The following SMARCA2 variants were observed in gnomAD, a reference collection of about 807,000 sequenced individuals.
SMARCA2 encodes the protein SWI/SNF-related matrix-associated actin-dependent regulator of chromatin subfamily A member 2.
SMARCA2 carries 61 observed loss-of-function variants against 199.8 expected under a neutral mutation model. The ratio of observed to expected loss-of-function variants is 0.31; its 90% CI spans 0.25 to 0.38. The LOEUF (loss-of-function observed/expected upper bound fraction) is 0.38. SMARCA2 is among the 10% of genes least tolerant of loss of function. The probability of loss-of-function intolerance (pLI) is 1.00; values close to 1 mark genes in which losing one functional copy is unlikely to be tolerated. For synonymous variants in SMARCA2, 935 were observed against 732.0 expected (o/e 1.28, Z -4.48); for missense variants, 1,344 against 2,012.2 (o/e 0.67, Z 6.35).
In SMARCA2 at chr9:2,147,847, C is replaced by CA. The variant is rs1404987128; in HGVS notation, c.3982-13828dup. On this transcript the variant is annotated intron_variant, in intron 27 of 33. Transcript: ENST00000349721. Reference sequence around the variant, plus strand: ...TGGGTGACAGAGCCAGACTCCGTCTCAAAAAAAAAAAGTAGGGCCTCACCC... The same window carrying CA: ...TGGGTGACAGAGCCAGACTCCGTCTCAAAAAAAAAAAAGTAGGGCCTCACCC... Among the ~76,000 whole-genome samples, 470 of 142,834 alleles carry CA rather than the reference C, an allele frequency of 3.3e-3. 10 individuals are homozygous for CA. The highest frequency in any genetic ancestry group is 3.2e-3 in the Non-Finnish European group (207 of 64,554). The allele number at this position is 142,834 out of a possible 152,430, so 93.7% of individuals were successfully genotyped here.
rs373525354 is a variant in SMARCA2, at chr9:2,186,235, C to T, written c.4594+7C>T. The T allele has an allele frequency of 8.7e-6, 14 of 1,612,112 alleles. No individual in the cohort carries two copies. In the African/African-American group the frequency reaches 1.9e-4, roughly 22 times the overall value. Reference sequence around the variant, plus strand: ...GAAGAGTCAGAGTCCGAGGGTAAGCCCAGACATTCGGGTCCTGTACATCTT... The same window carrying T: ...GAAGAGTCAGAGTCCGAGGGTAAGCTCAGACATTCGGGTCCTGTACATCTT... On this transcript the variant is annotated splice_region_variant and intron_variant, in intron 32 of 33. Coordinates refer to ENST00000349721, the MANE Select transcript of SMARCA2 (RefSeq NM_003070.5).
At position 2,123,367 on chromosome 9, in the gene SMARCA2, A is replaced by G. The variant is rs2130624739; in HGVS notation, c.3763-352A>G. Among the ~76,000 whole-genome samples the G allele has an allele frequency of 6.6e-6, 1 of 152,320 alleles. No homozygotes were observed. On this transcript the variant is annotated intron_variant, in intron 26 of 33. Transcript: ENST00000349721. This position sits in a 1 kb window ranked among gnomAD's most constrained non-coding sequence, Gnocchi z 4.1. Reference sequence around the variant, plus strand: ...TTCTTCCAGGGAAGCAATGAGTTGTATAGCCAAGAGGTCATATTTTTAAAA... The same window carrying G: ...TTCTTCCAGGGAAGCAATGAGTTGTGTAGCCAAGAGGTCATATTTTTAAAA...
At chr9:2,179,840 T>C (rs1218427760) in intron 29 of SMARCA2, among the ~76,000 whole-genome samples, 2 of 152,188 alleles carry the variant, frequency 1.3e-5, no homozygotes, top group Non-Finnish European at 2.9e-5. Context: ...GAGGTCTGAC[T>C]TTTGGGGTGC....
At chr9:2,057,936 C>T (rs1361159008) in intron 7 of SMARCA2, among the ~76,000 whole-genome samples, 1 of 152,160 alleles carries the variant, frequency 6.6e-6, no homozygotes, top group Non-Finnish European at 1.5e-5. Flanking sequence ...TACTCATGTT[C>T]CTCAGGTTTA....
chr9:2,029,433 GTT>G (rs1818967481), intron 2 of SMARCA2, among the ~76,000 whole-genome samples, 186 bp downstream of exon 2: 1 of 152,230 alleles, frequency 6.6e-6, no homozygotes, highest in African/African-American at 2.4e-5. Context: ...TGTTGCATCA[GTT>G]ATGAAGATCA....
chr9:2,070,349 A>C, intron 9 of SMARCA2, 69 bp from the exon 10 acceptor site: 1 of 1,233,246 alleles, frequency 8.1e-7, no homozygotes, highest in Non-Finnish European at 1.2e-6. Flanking sequence ...TACATACCGG[A>C]GAGTTACCAG....
Position 2,082,113 on chromosome 9 carries a change from G to T in SMARCA2, c.2348+118G>T, listed in dbSNP as rs1239512724. 6 of 811,438 alleles carry T rather than the reference G, an allele frequency of 7.4e-6. No homozygotes were observed. In the African/African-American group the frequency reaches 1.0e-4, roughly 14 times the overall value. The allele number at this position is 811,438 out of a possible 1,614,324, so 50.3% of individuals were successfully genotyped here. A position where few individuals can be genotyped will look rare whatever the true frequency, so the allele number is the denominator to read the frequency against. ...TGTAGCATGTACTAACCTAAATCCA[G>T]ATTACCAAGAGCATGTAATCTGGAT... On this transcript the variant is annotated intron_variant, in intron 15 of 33. Coordinates refer to ENST00000349721, the MANE Select transcript of SMARCA2 (RefSeq NM_003070.5).
In SMARCA2 at chr9:2,134,788, C is replaced by CTCT. The variant is rs1286904094; in HGVS notation, c.3981+10853_3981+10855dup. On this transcript the variant is annotated intron_variant, in intron 27 of 33. Coordinates refer to ENST00000349721, the MANE Select transcript of SMARCA2 (RefSeq NM_003070.5). ...AGAGCCCTCATGAATGGAATTAGTA[C>CTCT]TCTTATAAAGGGGACCCTAGAGAGC... Among the ~76,000 whole-genome samples the CTCT allele has an allele frequency of 2.6e-5, 4 of 152,078 alleles. No homozygotes were observed. In the East Asian group the frequency reaches 7.7e-4, roughly 29 times the overall value.
chr9:2,063,329 A>G (rs1211090333), intron 9 of SMARCA2, among the ~76,000 whole-genome samples: 1 of 152,204 alleles, frequency 6.6e-6, no homozygotes, highest in African/African-American at 2.4e-5. Context: ...GGATGCTTTA[A>G]GAAGCTGATT....
chr9:2,069,311 G>A (rs1298601651), intron 9 of SMARCA2, among the ~76,000 whole-genome samples: 1 of 151,618 alleles, frequency 6.6e-6, no homozygotes, highest in Non-Finnish European at 1.5e-5. Context: ...ATGGTAGATA[G>A]GCTGGGAGGC....
intron 9 of SMARCA2, among the ~76,000 whole-genome samples, chr9:2,062,991 A>G (rs1334069722): frequency 6.6e-6 from 1 of 152,136 alleles, no homozygotes; most frequent in Non-Finnish European, 1.5e-5. Flanking sequence ...GCTACTGTCT[A>G]CCTTACAGAT....
At chr9:2,131,287 G>T (rs903742968) in intron 27 of SMARCA2, among the ~76,000 whole-genome samples, 1 of 151,896 alleles carries the variant, frequency 6.6e-6, no homozygotes, top group Non-Finnish European at 1.5e-5. Flanking sequence ...CCTTTCTTAC[G>T]GCATCATATA....
chr9:2,076,403 T>C, intron 13 of SMARCA2, 74 bp downstream of exon 13: 1 of 1,001,378 alleles, frequency 1.0e-6, no homozygotes, highest in Non-Finnish European at 1.6e-6. Flanking sequence ...TTAGGAAATT[T>C]TGTTCAAGGA....
chr9:2,149,588 A>G (rs1824948842), intron 27 of SMARCA2, among the ~76,000 whole-genome samples: 1 of 151,566 alleles, frequency 6.6e-6, no homozygotes, highest in Non-Finnish European at 1.5e-5. Context: ...CACTACCATG[A>G]GAACAGTGTG....
chr9:2,081,736 G>A (rs542593279), intron 14 of SMARCA2, 96 bp from the exon 15 acceptor site: 2 of 1,054,298 alleles, frequency 1.9e-6, no homozygotes, highest in Non-Finnish European at 2.8e-6. Context: ...ACATACAGCA[G>A]TGAGGAGTTA....
rs1424318916 is a variant in SMARCA2, at chr9:2,170,308, G to T, written c.4200-111G>T. ...CCGTGTAATCTTCCTAACAAGGCAG[G>T]TTGGTGAGGAGACTGAGGCTTGGCC... On this transcript the variant is annotated intron_variant, in intron 28 of 33. Transcript: ENST00000349721. This position sits in a 1 kb window ranked among gnomAD's most constrained non-coding sequence, Gnocchi z 4.7. The T allele has an allele frequency of 8.9e-6, 12 of 1,351,486 alleles. No individual in the cohort carries two copies. Among genetic ancestry groups the T allele is most frequent in the Middle Eastern group, 2.1e-4 (1 of 4,724 alleles). 83.7% of individuals were successfully genotyped at this position (1,351,486 alleles called of 1,614,324 possible).
At chr9:2,090,084 T>G (rs1323892253) in intron 19 of SMARCA2, among the ~76,000 whole-genome samples, 3 of 152,166 alleles carry the variant, frequency 2.0e-5, no homozygotes, top group African/African-American at 7.2e-5. Flanking sequence ...AGAGAAAAAT[T>G]GAAATTTTTG....
chr9:2,039,192 A>G lies in SMARCA2; in HGVS notation c.356-274A>G, dbSNP rs930591420. Among the ~76,000 whole-genome samples the G allele has an allele frequency of 1.3e-5, 2 of 151,606 alleles. No homozygotes were observed. Among genetic ancestry groups the G allele is most frequent in the African/African-American group, 4.8e-5 (2 of 41,292 alleles). On this transcript the variant is annotated intron_variant, in intron 3 of 33. Coordinates refer to ENST00000349721, the MANE Select transcript of SMARCA2 (RefSeq NM_003070.5). The surrounding 1 kb of genome is among the most constrained non-coding windows in gnomAD (Gnocchi z 4.8). ...TACATTTTAAAATGATGTTTTGGGT[A>G]TGTTGGTTTAAGTAAAATACATTTA... is the stretch of plus-strand genomic sequence containing the variant.
At position 2,164,817 on chromosome 9, in the gene SMARCA2, G is replaced by A. The variant is rs1825859509; in HGVS notation, c.4199+2914G>A. 1.3e-5 allele frequency among the ~76,000 whole-genome samples: 2 copies of A among 152,194 alleles called. 1 individual carries two copies. Among genetic ancestry groups the A allele is most frequent in the South Asian group, 4.2e-4 (2 of 4,808 alleles). On this transcript the variant is annotated intron_variant, in intron 28 of 33. Coordinates refer to ENST00000349721, the MANE Select transcript of SMARCA2 (RefSeq NM_003070.5). ...TTGCTTACTTACTTTTCCTTAAAAA[G>A]TGTCCTGGTAAGACACATTCTATTA...
Sources: allele counts gnomAD v4.1 joint callset (sites outside exome capture counted in the v4.1 genomes callset), GRCh38; gene constraint gnomAD v4.1.1; non-coding constraint Gnocchi (gnomAD v3.1); transcripts MANE v1.5; gene names NCBI Gene and HGNC (gene_info 2026-07-23, HGNC 2026-07-21).